Variants in CDCA7L observed in about 807,000 individuals in gnomAD.
The protein encoded by CDCA7L is cell division cycle-associated 7-like protein.
CDCA7L carries 44 observed loss-of-function variants against 57.4 expected under a neutral mutation model. The observed-to-expected ratio is 0.77, with a 90% CI of 0.60 to 0.98. The LOEUF is 0.98. Ranked by LOEUF, CDCA7L falls within the 50% of genes least tolerant of loss-of-function variation. The probability of loss-of-function intolerance (pLI) is 0.00; values close to 1 mark genes in which losing one functional copy is unlikely to be tolerated. For missense variants in CDCA7L, 644 were observed against 580.6 expected, an observed-to-expected ratio of 1.11 and a Z score of -1.12; for synonymous variants, 236 against 202.8, an observed-to-expected ratio of 1.16 and a Z score of -1.39.
At chr7:21,908,657 T>C (rs1785217544) in intron 3 of CDCA7L, 150 bp from the exon 4 acceptor site, 1 of 878,306 alleles carries the variant, frequency 1.1e-6, no homozygotes, top group East Asian at 2.9e-5. Context: ...TGAATTTCCT[T>C]TAAATGTGCA....
At chr7:21,915,125 G>A (rs944296534) in intron 2 of CDCA7L, among the ~76,000 whole-genome samples, 3 of 152,078 alleles carry the variant, frequency 2.0e-5, no homozygotes, top group Admixed American at 6.5e-5. Context: ...CGAGGGCTAC[G>A]GCAGCTGCAG....
chr7:21,930,663 A>ACT (rs1785978742), intron 1 of CDCA7L, among the ~76,000 whole-genome samples: 1 of 133,518 alleles, frequency 7.5e-6, no homozygotes, highest in African/African-American at 2.9e-5. Flanking sequence ...ACGCCATTGC[A>ACT]CTCCAGCCCC....
rs1352719525 is a variant in CDCA7L, at chr7:21,901,005, A to C, written c.*1317T>G. ...ATTGCAACCGCTGTGTTTTTGCCAT[A>C]GGCGCCCGCTGGGACACCCAAGCAG... On this transcript the variant is annotated 3_prime_UTR_variant, in exon 10 of 10. Coordinates refer to ENST00000406877, the MANE Select transcript of CDCA7L (RefSeq NM_018719.5). 6.3e-7 allele frequency: 1 copy of C among 1,580,980 alleles called. No homozygotes were observed.
At chr7:21,910,983 A>T (rs924362911) in intron 3 of CDCA7L, among the ~76,000 whole-genome samples, 3 of 141,914 alleles carry the variant, frequency 2.1e-5, no homozygotes, top group African/African-American at 8.0e-5. Context: ...TAGATAAAAG[A>T]GGTTTAAGGA....
chr7:21,933,318 A>G (rs1384646100), intron 1 of CDCA7L, among the ~76,000 whole-genome samples: 2 of 152,244 alleles, frequency 1.3e-5, no homozygotes, highest in Admixed American at 6.5e-5. Context: ...CCAAAGGATT[A>G]TAAATCATTC....
chr7:21,902,336 C>A lies in CDCA7L; in HGVS notation c.1351G>T (p.Val451Leu), dbSNP rs141309943. The A allele has an allele frequency of 1.5e-5, 24 of 1,613,658 alleles. No homozygotes were observed. Among genetic ancestry groups the A allele is most frequent in the Non-Finnish European group, 1.8e-5 (21 of 1,179,754 alleles). The change falls in exon 10 of 10, where the codon GTA becomes TTA. Residue 451 changes from valine (V) to leucine (L), a missense_variant. Physicochemically the swap from Val to Leu is conservative, Grantham distance 32 (BLOSUM62 1). Coordinates refer to ENST00000406877, the MANE Select transcript of CDCA7L (RefSeq NM_018719.5). ...EYLESLQKELVEDN is the reference protein window; with the variant it reads ...EYLESLQKELLEDN ...TTGTTTTCCTCTTAATTGTCTTCTACCAGCTCCTTTTGTAAGCTGGGAAAA... is the reference window on the plus strand; with the variant it reads ...TTGTTTTCCTCTTAATTGTCTTCTAACAGCTCCTTTTGTAAGCTGGGAAAA...
rs1785001490 is a variant in CDCA7L, at chr7:21,903,256, T to TC, written c.1198-143dup. ...TCTTTCAGTCTACGTCCCAGGGGGCTCCTCACAAGGCAGGAAGGCTGAATC... is the reference window on the plus strand; with the variant it reads ...TCTTTCAGTCTACGTCCCAGGGGGCTCCCTCACAAGGCAGGAAGGCTGAATC... On this transcript the variant is annotated intron_variant, in intron 8 of 9. Coordinates refer to ENST00000406877, the MANE Select transcript of CDCA7L (RefSeq NM_018719.5). 22 of 728,200 alleles carry TC rather than the reference T, an allele frequency of 3.0e-5. No homozygotes were observed. The East Asian group carries it at 5.9e-4, about 20-fold the overall frequency. 45.1% of individuals were successfully genotyped at this position (728,200 alleles called of 1,614,324 possible).
intron 9 of CDCA7L, 98 bp downstream of exon 9, chr7:21,902,880 A>C (rs1016274972): frequency 1.7e-4 from 184 of 1,114,866 alleles, no homozygotes; most frequent in African/African-American, 2.8e-4. Flanking sequence ...ATAAGTAAGT[A>C]AGTCACACGG....
chr7:21,929,648 A>C (rs920739394), intron 1 of CDCA7L, among the ~76,000 whole-genome samples: 5 of 150,516 alleles, frequency 3.3e-5, no homozygotes, highest in African/African-American at 4.9e-5. Flanking sequence ...AAAAAAAAAA[A>C]AAAAAAAAGC....
intron 3 of CDCA7L, among the ~76,000 whole-genome samples, chr7:21,909,672 A>G (rs1785252461): frequency 6.6e-6 from 1 of 152,192 alleles, no homozygotes; most frequent in African/African-American, 2.4e-5. Flanking sequence ...TGTACTGCAA[A>G]GGAACCCAAT....
intron 1 of CDCA7L, among the ~76,000 whole-genome samples, chr7:21,925,620 T>G (rs1476333700): frequency 6.6e-6 from 1 of 152,190 alleles, no homozygotes; most frequent in Non-Finnish European, 1.5e-5. Context: ...CCAAGTGTGG[T>G]GGCTCATGCC....
chr7:21,903,983 T>C (rs990142705), intron 8 of CDCA7L, 127 bp downstream of exon 8: 3 of 854,592 alleles, frequency 3.5e-6, no homozygotes, highest in African/African-American at 1.7e-5. Flanking sequence ...AGCCTTAAGA[T>C]ACAAATGGAA....
chr7:21,914,729 G>T (rs1345835314), intron 2 of CDCA7L, among the ~76,000 whole-genome samples: 1 of 152,156 alleles, frequency 6.6e-6, no homozygotes, highest in African/African-American at 2.4e-5. Flanking sequence ...GGGGCCTTGG[G>T]CAAGTCATTA....
rs111729684 is a variant in CDCA7L at position 21,905,736 on chromosome 7, G to A, written c.922-105C>T. ...ATCTAGCACCATTAATGTTAACCCC[G>A]TCCCTCTTCTATTTCCCTGCAGCCA... is the stretch of plus-strand genomic sequence containing the variant. On this transcript the variant is annotated intron_variant, in intron 6 of 9. Coordinates refer to ENST00000406877, the MANE Select transcript of CDCA7L (RefSeq NM_018719.5). 1.6e-4 allele frequency: 197 copies of A among 1,227,546 alleles called. No individual in the cohort carries two copies. In the African/African-American group the frequency reaches 1.8e-3, roughly 11 times the overall value. 76.0% of individuals were successfully genotyped at this position (1,227,546 alleles called of 1,614,324 possible).
chr7:21,939,293 A>C (rs1309164352), intron 1 of CDCA7L, among the ~76,000 whole-genome samples: 2 of 152,246 alleles, frequency 1.3e-5, no homozygotes, highest in Non-Finnish European at 2.9e-5. Flanking sequence ...CAACATTGTG[A>C]CTATACTTAG....
chr7:21,906,118 G>GTGTGATCTCAGGAGCGCTGCTTA lies in CDCA7L; in HGVS notation c.921+170_921+171insTAAGCAGCGCTCCTGAGATCACA, dbSNP rs1164857617. On this transcript the variant is annotated intron_variant, in intron 6 of 9. Transcript: ENST00000406877. ...GCTTAGACCAGGGCTGCTTCTCAAA[G>GTGTGATCTCAGGAGCGCTGCTTA]TGTGATCTCAGGAGCAATGGCATCA... 8.5e-5 allele frequency among the ~76,000 whole-genome samples: 13 copies of GTGTGATCTCAGGAGCGCTGCTTA among 152,294 alleles called. No homozygotes were observed. The East Asian group carries it at 2.3e-3, about 27-fold the overall frequency.
intron 8 of CDCA7L, 21 bp from the exon 9 acceptor site, chr7:21,903,135 G>GACACTTCGCTCATTATCT (rs1417174092): frequency 1.9e-6 from 3 of 1,608,518 alleles, no homozygotes; most frequent in African/African-American, 2.7e-5. Flanking sequence ...GATGACAGCA[G>GACACTTCGCTCATTATCT]ACACTTCGCT....
At chr7:21,945,423 T>G (rs1259510977) in intron 1 of CDCA7L, among the ~76,000 whole-genome samples, 1 of 150,910 alleles carries the variant, frequency 6.6e-6, no homozygotes, top group Non-Finnish European at 1.5e-5. Flanking sequence ...CCGGAGAAAG[T>G]GTGGGGAGTG....
At chr7:21,902,502 C>A (rs6965583) in intron 9 of CDCA7L, 150 bp from the exon 10 acceptor site, 7 of 737,702 alleles carry the variant, frequency 9.5e-6, no homozygotes, top group Admixed American at 6.4e-5. Flanking sequence ...CATCAATATC[C>A]GTATACCCTC....
Sources: allele counts gnomAD v4.1 joint callset (sites outside exome capture counted in the v4.1 genomes callset), GRCh38; gene constraint gnomAD v4.1.1; transcripts MANE v1.5; gene names NCBI Gene and HGNC (gene_info 2026-07-23, HGNC 2026-07-21).